The following TET1 variants were observed in gnomAD, a reference collection of about 807,000 sequenced individuals.
The protein encoded by TET1 is tet methylcytosine dioxygenase 1.
A neutral mutation model predicts 148.7 loss-of-function variants in TET1; 13 were observed. The ratio of observed to expected loss-of-function variants is 0.09; its 90% CI spans 0.06 to 0.14. The LOEUF (loss-of-function observed/expected upper bound fraction) is 0.14. Among genes scored for constraint, TET1 ranks in the 10% least tolerant of loss-of-function variants. The pLI is 1.00. For synonymous variants in TET1, 907 were observed against 937.2 expected (o/e 0.97, Z 0.59); for missense variants, 2,182 against 2,553.8 (o/e 0.85, Z 3.14).
rs868611128 is a variant in TET1, at chr10:68,651,848, C to G, written c.4279C>G (p.Arg1427Gly). ...SELPTCSCLDRVIQKDKGPYY... is the reference protein window; with the variant it reads ...SELPTCSCLDGVIQKDKGPYY... ...TAATAATCTTATTCCTTCCACAGAT[C>G]GAGTTATACAAAAAGACAAAGGCCC... is the stretch of plus-strand genomic sequence containing the variant. The change falls in exon 5 of 12, where the codon CGA (arginine) becomes GGA (glycine). Residue 1427 changes from arginine (R) to glycine (G), a missense_variant and splice_region_variant. Physicochemically the swap from Arg to Gly is moderately radical, Grantham distance 125. Around this residue, in one of 11 missense-constraint regions of TET1, gnomAD observed 169 missense variants for 263.7 expected, o/e 0.64. Coordinates refer to ENST00000373644, the MANE Select transcript of TET1 (RefSeq NM_030625.3). The G allele has an allele frequency of 5.0e-6, 8 of 1,609,966 alleles. No homozygotes were observed. The highest frequency in any genetic ancestry group is 4.0e-5 in the African/African-American group (3 of 74,670).
Position 68,644,921 on chromosome 10 carries a change from C to T in TET1, c.2192C>T (p.Pro731Leu). Reference protein sequence around the residue: ...HVKGDFSANVPEAEKSKNSEV... With the variant: ...HVKGDFSANVLEAEKSKNSEV... ...AAAGGAGATTTTAGTGCTAATGTCC[C>T]AGAAGCTGAAAAATCGAAAAACTCT... The change falls in exon 4 of 12, where the codon CCA becomes CTA. Residue 731 changes from proline to leucine, a missense_variant. Transcript: ENST00000373644. The T allele has an allele frequency of 6.2e-7, 1 of 1,611,538 alleles. No homozygotes were observed. Among genetic ancestry groups the T allele is most frequent in the Non-Finnish European group, 8.5e-7 (1 of 1,179,268 alleles).
intron 2 of TET1, among the ~76,000 whole-genome samples, chr10:68,595,460 C>T (rs907746692): frequency 2.6e-5 from 4 of 151,890 alleles, no homozygotes; most frequent in Admixed American, 1.3e-4. Flanking sequence ...AAGAAAATTC[C>T]TTGTAGTATG....
rs2055516331 is a variant in TET1 at position 68,686,697 on chromosome 10, G to A, written c.5394G>A (p.Leu1798=). 6.8e-6 allele frequency: 11 copies of A among 1,612,372 alleles called. No individual in the cohort carries two copies. The highest frequency in any genetic ancestry group is 9.3e-6 in the Non-Finnish European group (11 of 1,178,990). The change falls in exon 11 of 12, where the codon CTG becomes CTA. Residue 1798 remains leucine, a synonymous_variant. Coordinates refer to ENST00000373644, the MANE Select transcript of TET1 (RefSeq NM_030625.3). The part of the protein sequence containing the change: ...TTTNNSKPSS[L]PTLGSNTETV... ...CAAACAACAGTAAGCCTTCGTCACT[G>A]CCAACCTTAGGTGAGCCCTATGGAA...
Position 68,646,648 on chromosome 10 carries a change from A to G in TET1, c.3919A>G (p.Asn1307Asp). 6.2e-7 allele frequency: 1 copy of G among 1,614,136 alleles called. No individual in the cohort carries two copies. Among genetic ancestry groups the G allele is most frequent in the South Asian group, 1.1e-5 (1 of 91,084 alleles). The stretch of plus-strand genomic sequence containing the variant: ...TTTGACCCAGCCCTCCTCTCCACCT[A>G]ACCAGTGTGCTAACGTGATGGCAGG... ...HPLTQPSSPP[N>D]QCANVMAGDD... Residue 1307 changes from asparagine (N) to aspartate (D), a missense_variant, in exon 4 of 12, where the codon AAC (asparagine) becomes GAC (aspartate). Asn to Asp is a conservative substitution (Grantham distance 23). This residue lies in a region of TET1 where 582 missense variants were observed against 599.5 expected (regional missense o/e 0.97). Coordinates refer to ENST00000373644, the MANE Select transcript of TET1 (RefSeq NM_030625.3).
intron 6 of TET1, among the ~76,000 whole-genome samples, chr10:68,658,056 A>G (rs1371221244): frequency 6.6e-6 from 1 of 152,130 alleles, no homozygotes; most frequent in Non-Finnish European, 1.5e-5. Flanking sequence ...TTCATCTTGG[A>G]TAGTGTACCT....
At chr10:68,640,743 G>C (rs2054739609) in intron 3 of TET1, among the ~76,000 whole-genome samples, 1 of 150,310 alleles carries the variant, frequency 6.7e-6, no homozygotes, top group Admixed American at 6.7e-5. Flanking sequence ...AGTAGAGATG[G>C]GATTTCACCA....
intron 1 of TET1, among the ~76,000 whole-genome samples, chr10:68,565,153 T>C (rs1274699379): frequency 6.6e-6 from 1 of 152,090 alleles, no homozygotes; most frequent in Non-Finnish European, 1.5e-5. Flanking sequence ...TTAGTTCATC[T>C]GAGTGGTAGG....
chr10:68,612,105 T>A (rs75541184), intron 3 of TET1, among the ~76,000 whole-genome samples: 1 of 151,430 alleles, frequency 6.6e-6, no homozygotes, highest in Non-Finnish European at 1.5e-5. Context: ...TTTTTTTTTT[T>A]ATTTGACAGA....
chr10:68,572,720 G>C lies in TET1; in HGVS notation c.382G>C (p.Val128Leu), dbSNP rs142008363. Residue 128 changes from valine (V) to leucine (L), a missense_variant, in exon 2 of 12, where the codon GTT (valine) becomes CTT (leucine). Coordinates refer to ENST00000373644, the MANE Select transcript of TET1 (RefSeq NM_030625.3). Reference sequence around the variant, plus strand: ...ACTGGTCGTAGCCAAATCCAAAAAGGTTCCACTTTCTAAGGGTTTAGAAAA... The same window carrying C: ...ACTGGTCGTAGCCAAATCCAAAAAGCTTCCACTTTCTAAGGGTTTAGAAAA... ...PPLVVAKSKKVPLSKGLEKQH... is the reference protein window; with the variant it reads ...PPLVVAKSKKLPLSKGLEKQH... 6 of 1,613,926 alleles carry C rather than the reference G, an allele frequency of 3.7e-6. No homozygotes were observed. The highest frequency in any genetic ancestry group is 1.3e-5 in the African/African-American group (1 of 74,874).
intron 8 of TET1, among the ~76,000 whole-genome samples, chr10:68,676,268 ATTTTTT>A (rs1217792442): frequency 2.2e-4 from 8 of 35,986 alleles, no homozygotes; most frequent in African/African-American, 2.5e-4. Flanking sequence ...ATATATATAT[ATTTTTT>A]TTTTTTTTTT....
chr10:68,583,358 C>A (rs1159573502), intron 2 of TET1, among the ~76,000 whole-genome samples: 4 of 152,082 alleles, frequency 2.6e-5, no homozygotes, highest in Non-Finnish European at 5.9e-5. Context: ...TCTCCTTTTG[C>A]ATTATTATCA....
At position 68,597,030 on chromosome 10, in the gene TET1, A is replaced by ATTTTTTTTTTTTT. The variant is rs553591899; in HGVS notation, c.1915-3942_1915-3930dup. Among the ~76,000 whole-genome samples, 101 of 98,854 alleles carry ATTTTTTTTTTTTT rather than the reference A, an allele frequency of 1.0e-3. 7 individuals are homozygous for ATTTTTTTTTTTTT. Among genetic ancestry groups the ATTTTTTTTTTTTT allele is most frequent in the African/African-American group, 2.9e-3 (66 of 22,556 alleles). The allele number at this position is 98,854 out of a possible 152,430, so 64.9% of individuals were successfully genotyped here. ...ATTTTCATGATCACACAGCTAATGGATTTTTTTTTTTTTTTTTTTTTGAGA... is the reference window on the plus strand; with the variant it reads ...ATTTTCATGATCACACAGCTAATGGATTTTTTTTTTTTTTTTTTTTTTTTTTTTTTTTTTGAGA... On this transcript the variant is annotated intron_variant, in intron 2 of 11. Coordinates refer to ENST00000373644, the MANE Select transcript of TET1 (RefSeq NM_030625.3).
Position 68,685,159 on chromosome 10 carries a change from G to GCAGGAGAAACACTCAAACC in TET1, c.5053-1190_5053-1172dup, listed in dbSNP as rs1206064294. Reference sequence around the variant, plus strand: ...ACTCCCAGCTACTCGAGAGACTGAGGCAGGAGAAACACTCAAACCCAGGAG... The same window carrying GCAGGAGAAACACTCAAACC: ...ACTCCCAGCTACTCGAGAGACTGAGGCAGGAGAAACACTCAAACCCAGGAGAAACACTCAAACCCAGGAG... On this transcript the variant is annotated intron_variant, in intron 10 of 11. Transcript: ENST00000373644. 1.8e-4 allele frequency among the ~76,000 whole-genome samples: 28 copies of GCAGGAGAAACACTCAAACC among 152,240 alleles called. No homozygotes were observed. In the East Asian group the frequency reaches 3.3e-3, roughly 18 times the overall value.
chr10:68,677,366 C>T, intron 8 of TET1, among the ~76,000 whole-genome samples: 1 of 152,116 alleles, frequency 6.6e-6, no homozygotes, highest in Non-Finnish European at 1.5e-5. Context: ...CCGTAAAGGG[C>T]ACCTATTTTT....
At chr10:68,667,295 C>T in intron 7 of TET1, 39 bp downstream of exon 7, 1 of 1,529,556 alleles carries the variant, frequency 6.5e-7, no homozygotes, top group Non-Finnish European at 8.9e-7. Flanking sequence ...CCATTCAGAT[C>T]TCTATTACAT....
At chr10:68,673,608 A>G in intron 8 of TET1, 2 of 158,646 alleles carry the variant, frequency 1.3e-5, no homozygotes, top group Non-Finnish European at 2.7e-5. Flanking sequence ...GTGGGTGGGT[A>G]GGCAGTGGGA....
chr10:68,681,067 T>C (rs1405531348), intron 8 of TET1, among the ~76,000 whole-genome samples: 1 of 152,246 alleles, frequency 6.6e-6, no homozygotes, highest in Non-Finnish European at 1.5e-5. Context: ...AGAACGTTGT[T>C]TGCATTTATT....
rs115904110 is a variant in TET1 at position 68,654,208 on chromosome 10, T to C, written c.4461+1614T>C. On this transcript the variant is annotated intron_variant, in intron 6 of 11. Transcript: ENST00000373644. The stretch of plus-strand genomic sequence containing the variant: ...TGACAAAAAACAAAAAAGAGCTAAG[T>C]AGGCAGAGGATAAGCAGGAAGTAGC... Among the ~76,000 whole-genome samples, 328 of 149,010 alleles carry C rather than the reference T, an allele frequency of 2.2e-3. 2 individuals carry two copies. The highest frequency in any genetic ancestry group is 7.9e-3 in the African/African-American group (318 of 40,384).
chr10:68,585,485 C>G lies in TET1; in HGVS notation c.1914+11233C>G, dbSNP rs1160974817. Among the ~76,000 whole-genome samples, 3 of 152,240 alleles carry G rather than the reference C, an allele frequency of 2.0e-5. No homozygotes were observed. The East Asian group carries it at 5.8e-4, about 29-fold the overall frequency. ...TAGTTTAAATGATCCCAACATCATA[C>G]TTTCATATGATTTAGAAATCATAAA... On this transcript the variant is annotated intron_variant, in intron 2 of 11. Coordinates refer to ENST00000373644, the MANE Select transcript of TET1 (RefSeq NM_030625.3).
Sources: gnomAD v4.1 joint callset for allele counts (sites outside exome capture counted in the v4.1 genomes callset) on GRCh38, gnomAD v4.1.1 for gene constraint, gnomAD v4.1.1 regional missense constraint, MANE v1.5 for transcripts, NCBI Gene and HGNC (gene_info 2026-07-23, HGNC 2026-07-21) for gene names.